Variants in SEM1 observed in about 807,000 individuals in gnomAD.
SEM1 encodes the protein 26S proteasome complex subunit SEM1.
SEM1 carries 3 observed loss-of-function variants against 12.7 expected under a neutral mutation model. The observed-to-expected ratio is 0.24, with a 90% CI of 0.11 to 0.61. SEM1 has a LOEUF of 0.61. Among genes scored for constraint, SEM1 ranks in the 20% least tolerant of loss-of-function variants. The pLI, the probability that SEM1 is intolerant of heterozygous loss-of-function variation, is 0.88. For missense variants in SEM1, 59 were observed against 81.3 expected (o/e 0.73, Z 1.06); for synonymous variants, 30 against 27.8 (o/e 1.08, Z -0.25).
exon 4 of SEM1, chr7:96,482,061 A>C (rs1354901419): frequency 6.6e-6 from 1 of 152,056 alleles, no homozygotes; most frequent in Non-Finnish European, 1.5e-5. Context: ...TTCAGGGAGG[A>C]ATTTGGTAAG....
In SEM1 at chr7:96,656,251, A is replaced by G. The variant is rs114385662; in HGVS notation, c.171-33608T>C. Among the ~76,000 whole-genome samples, 366 of 152,248 alleles carry G rather than the reference A, an allele frequency of 2.4e-3. 2 individuals carry two copies. The highest frequency in any genetic ancestry group is 8.4e-3 in the African/African-American group (350 of 41,546). On this transcript the variant is annotated intron_variant, in intron 2 of 2. Transcript: ENST00000417009. ...TCCGTTTCTGGCTTTTGGTTGGCCA[A>G]ACCCACAAGTCTCCAAATTCTTAGT... is the stretch of plus-strand genomic sequence containing the variant.
intron 1 of SEM1, among the ~76,000 whole-genome samples, chr7:96,699,695 T>C (rs1470719555): frequency 1.3e-5 from 2 of 152,226 alleles, no homozygotes; most frequent in African/African-American, 4.8e-5. Context: ...GCACTGTACA[T>C]AACTGGAAGT....
intron 2 of SEM1, among the ~76,000 whole-genome samples, chr7:96,540,357 A>T (rs1271118065): frequency 6.6e-6 from 1 of 151,764 alleles, no homozygotes; most frequent in African/African-American, 2.4e-5. Context: ...TAAGTATTTT[A>T]AAATCAAACA....
chr7:96,541,443 G>GTTTTTTTTTTTTTT (rs61049763), intron 2 of SEM1, among the ~76,000 whole-genome samples: 8 of 102,396 alleles, frequency 7.8e-5, no homozygotes, highest in East Asian at 3.2e-4. Flanking sequence ...TTTTTTTTTT[G>GTTTTTTTTTTTTTT]TTTTTTTTTT....
At chr7:96,604,920 C>G (rs558928950) in intron 2 of SEM1, among the ~76,000 whole-genome samples, 14 of 151,692 alleles carry the variant, frequency 9.2e-5, no homozygotes, top group African/African-American at 2.9e-4. Context: ...GACTCCGTCT[C>G]AAAAAATAAA....
chr7:96,485,004 A>G (rs973068092), intron 2 of SEM1: 20 of 395,266 alleles, frequency 5.1e-5, no homozygotes, highest in African/African-American at 3.6e-4. Context: ...CTCATAGTAT[A>G]TAGCACTGAC....
intron 2 of SEM1, among the ~76,000 whole-genome samples, chr7:96,597,154 C>A (rs1251774130): frequency 6.6e-6 from 1 of 152,170 alleles, no homozygotes; most frequent in Non-Finnish European, 1.5e-5. Flanking sequence ...CTGTCATAGT[C>A]AGGGCCGGAT....
chr7:96,550,158 T>G (rs569215998), intron 2 of SEM1, among the ~76,000 whole-genome samples: 1 of 152,270 alleles, frequency 6.6e-6, no homozygotes, highest in African/African-American at 2.4e-5. Flanking sequence ...GAAAGTCGTT[T>G]AGTACAACTG....
intron 2 of SEM1, among the ~76,000 whole-genome samples, chr7:96,560,854 T>C (rs1805670333): frequency 6.6e-6 from 1 of 152,202 alleles, no homozygotes; most frequent in African/African-American, 2.4e-5. Flanking sequence ...TAACACCCTA[T>C]CATATAATAA....
intron 2 of SEM1, among the ~76,000 whole-genome samples, chr7:96,631,330 TGGATTAAATG>T (rs1808252264): frequency 6.6e-6 from 1 of 152,174 alleles, no homozygotes; most frequent in Admixed American, 6.5e-5. Flanking sequence ...TGTTTAGGGC[TGGATTAAATG>T]CTCCCTCCAT....
At chr7:96,698,622 T>A (rs1790171510) in intron 1 of SEM1, among the ~76,000 whole-genome samples, 1 of 152,226 alleles carries the variant, frequency 6.6e-6, no homozygotes, top group African/African-American at 2.4e-5. Context: ...TGTATAGTAT[T>A]GCACAGCGTA....
At chr7:96,588,397 C>CGA (rs138208602) in intron 2 of SEM1, among the ~76,000 whole-genome samples, 17 of 72,216 alleles carry the variant, frequency 2.4e-4, no homozygotes, top group African/African-American at 6.0e-4. Context: ...CACACACACA[C>CGA]GAGAGAGAGA....
chr7:96,645,536 G>A (rs938444117), intron 2 of SEM1: 1 of 382,156 alleles, frequency 2.6e-6, no homozygotes, highest in Non-Finnish European at 4.6e-6. Context: ...TCCAATAAAA[G>A]AGGACAGCTT....
intron 2 of SEM1, among the ~76,000 whole-genome samples, chr7:96,603,545 A>C (rs998519908): frequency 1.3e-5 from 2 of 152,134 alleles, no homozygotes; most frequent in African/African-American, 2.4e-5. Flanking sequence ...CCCTGAGAAA[A>C]TATCATCTTC....
At chr7:96,515,404 A>G (rs1225202095) in intron 2 of SEM1, among the ~76,000 whole-genome samples, 1 of 152,218 alleles carries the variant, frequency 6.6e-6, no homozygotes, top group Non-Finnish European at 1.5e-5. Context: ...GTGGAGAAAT[A>G]GCAACACTTT....
At chr7:96,665,179 C>A (rs999200815) in intron 2 of SEM1, among the ~76,000 whole-genome samples, 4 of 152,130 alleles carry the variant, frequency 2.6e-5, no homozygotes, top group Non-Finnish European at 5.9e-5. Flanking sequence ...GCCTCCCACT[C>A]CCAGCCAGCC....
At chr7:96,691,046 C>T (rs958820594) in intron 2 of SEM1, among the ~76,000 whole-genome samples, 2 of 152,178 alleles carry the variant, frequency 1.3e-5, no homozygotes, top group Admixed American at 1.3e-4. Context: ...GCTGGGGTTA[C>T]AGGTGTGAGC....
At chr7:96,494,208 C>T (rs148928504) in intron 1 of SEM1, among the ~76,000 whole-genome samples, 5 of 152,216 alleles carry the variant, frequency 3.3e-5, no homozygotes, top group East Asian at 1.9e-4. Flanking sequence ...TGTACAAACT[C>T]GGGCCAGTGA....
downstream of SEM1, among the ~76,000 whole-genome samples, chr7:96,668,705 A>G (rs1031472590): frequency 2.0e-5 from 3 of 151,902 alleles, no homozygotes; most frequent in South Asian, 2.1e-4. Flanking sequence ...CAGGGCTCCA[A>G]TTTCCTGATT....
Sources: gnomAD v4.1 joint callset for allele counts (sites outside exome capture counted in the v4.1 genomes callset) on GRCh38, gnomAD v4.1.1 for gene constraint, MANE v1.5 for transcripts, NCBI Gene and HGNC (gene_info 2026-07-23, HGNC 2026-07-21) for gene names.